Variants in PLA2G5 observed in about 807,000 individuals in gnomAD.
PLA2G5 encodes the protein Ca2+-dependent phospholipase A2.
Under a neutral mutation model 15.9 loss-of-function variants are expected in PLA2G5, and 12 were observed. That is an observed-to-expected ratio of 0.76 (90% CI 0.48 to 1.23). The LOEUF (loss-of-function observed/expected upper bound fraction) is 1.23, where lower values mean the gene tolerates loss of function less well. PLA2G5 is among the 50% of genes most tolerant of loss of function. The pLI, the probability that PLA2G5 is intolerant of heterozygous loss-of-function variation, is 0.00. For missense variants in PLA2G5, 169 were observed against 177.1 expected, an observed-to-expected ratio of 0.95 and a Z score of 0.26; for synonymous variants, 71 against 71.4, an observed-to-expected ratio of 0.99 and a Z score of 0.03.
chr1:20,072,732 G>T (rs2015446082), intron 1 of PLA2G5, among the ~76,000 whole-genome samples: 1 of 152,120 alleles, frequency 6.6e-6, no homozygotes. Flanking sequence ...AAAGGAGGAA[G>T]CCATGAACTC....
intron 1 of PLA2G5, among the ~76,000 whole-genome samples, chr1:20,077,969 G>A (rs1240606012): frequency 6.6e-6 from 1 of 152,214 alleles, no homozygotes; most frequent in Non-Finnish European, 1.5e-5. Flanking sequence ...ACTCGAATGA[G>A]CTCATCCAGA....
At chr1:20,053,570 C>CG (rs60259205) in intron 1 of PLA2G5, among the ~76,000 whole-genome samples, 8,750 of 97,532 alleles carry the variant, frequency 0.09, 595 homozygotes, top group East Asian at 0.21. Flanking sequence ...TATTACTTTG[C>CG]GGGGGGGGGG....
At chr1:20,071,501 C>T (rs1188104205) in intron 1 of PLA2G5, among the ~76,000 whole-genome samples, 1 of 152,154 alleles carries the variant, frequency 6.6e-6, no homozygotes, top group African/African-American at 2.4e-5. Flanking sequence ...TGCTCACAGC[C>T]TGGTGGGAGA....
intron 1 of PLA2G5, among the ~76,000 whole-genome samples, chr1:20,045,934 T>C (rs2013878172): frequency 1.3e-5 from 2 of 152,204 alleles, no homozygotes; most frequent in African/African-American, 4.8e-5. Context: ...AAGTTTATTT[T>C]GCTGTACAAC....
At chr1:20,072,256 C>T (rs530910338) in intron 1 of PLA2G5, among the ~76,000 whole-genome samples, 62 of 152,294 alleles carry the variant, frequency 4.1e-4, no homozygotes, top group South Asian at 1.7e-3. Flanking sequence ...TTTACTTATT[C>T]GCTTGTCTAT....
At chr1:20,074,111 G>A (rs915637908) in intron 1 of PLA2G5, among the ~76,000 whole-genome samples, 8 of 152,140 alleles carry the variant, frequency 5.3e-5, no homozygotes, top group African/African-American at 1.4e-4. Context: ...CATTTAAGGC[G>A]AGACCTGGAG....
intron 1 of PLA2G5, among the ~76,000 whole-genome samples, chr1:20,032,184 G>A (rs911302159): frequency 6.6e-6 from 1 of 152,166 alleles, no homozygotes; most frequent in African/African-American, 2.4e-5. Context: ...CCTGAAGATT[G>A]GTGGTGATAA....
chr1:20,028,812 G>A (rs1026845438), intron 1 of PLA2G5: 5 of 152,254 alleles, frequency 3.3e-5, no homozygotes, highest in African/African-American at 9.6e-5. Flanking sequence ...GGGATGTTTA[G>A]TCTGAAACAA....
At chr1:20,043,414 C>T (rs1474207127) in intron 1 of PLA2G5, among the ~76,000 whole-genome samples, 1 of 152,054 alleles carries the variant, frequency 6.6e-6, no homozygotes, top group Non-Finnish European at 1.5e-5. Context: ...TTAAAGCCTG[C>T]TGTGGGATGG....
upstream of PLA2G5, chr1:20,066,219 T>C (rs898462223): frequency 1.3e-5 from 2 of 152,276 alleles, no homozygotes; most frequent in African/African-American, 4.8e-5. Context: ...GTATGTCTTC[T>C]TTGGTGAAGT....
chr1:20,078,213 TG>T (rs1295317710), intron 1 of PLA2G5, among the ~76,000 whole-genome samples: 2 of 151,964 alleles, frequency 1.3e-5, no homozygotes, highest in African/African-American at 2.4e-5. Flanking sequence ...TGCCAGGCTT[TG>T]GGGGTCCCTG....
rs530120048 is a variant in PLA2G5, at chr1:20,091,868, G to T, written c.*1176G>T. Among the ~76,000 whole-genome samples, 1 of 152,100 alleles carries T rather than the reference G, an allele frequency of 6.6e-6. No individual in the cohort carries two copies. The highest frequency in any genetic ancestry group is 1.5e-5 in the Non-Finnish European group (1 of 68,026). ...TCTATATTTAAAAAGCTCTAGTGTC[G>T]AATGTTTTCAAAATAAAATTTAATT... On this transcript the variant is annotated 3_prime_UTR_variant, in exon 5 of 5. Transcript: ENST00000375108.
chr1:20,064,861 T>C (rs1359029859), intron 2 of PLA2G5, among the ~76,000 whole-genome samples: 1 of 152,112 alleles, frequency 6.6e-6, no homozygotes, highest in East Asian at 1.9e-4. Flanking sequence ...ACCAGGGAGC[T>C]TGTTAAAAAT....
At chr1:20,081,433 CAGA>C (rs1183598453) in intron 1 of PLA2G5, among the ~76,000 whole-genome samples, 3 of 151,868 alleles carry the variant, frequency 2.0e-5, no homozygotes, top group Admixed American at 6.6e-5. Context: ...TTACAGCTCC[CAGA>C]AGAAGGCGTG....
At position 20,086,035 on chromosome 1, in the gene PLA2G5, A is replaced by G. The variant is rs1184365950; in HGVS notation, c.41-48A>G. The G allele has an allele frequency of 1.9e-6, 3 of 1,607,330 alleles. No individual in the cohort carries two copies. In the African/African-American group the frequency reaches 4.0e-5, roughly 21 times the overall value. On this transcript the variant is annotated intron_variant, in intron 2 of 4. Coordinates refer to ENST00000375108, the MANE Select transcript of PLA2G5 (RefSeq NM_000929.3). ...AGATGTTGGGCAGTGGGCCTAAAGCAGGGCTGGGCTGCCTGGGTGTCACCT... is the reference window on the plus strand; with the variant it reads ...AGATGTTGGGCAGTGGGCCTAAAGCGGGGCTGGGCTGCCTGGGTGTCACCT...
At chr1:20,089,740 T>G in intron 3 of PLA2G5, 49 bp from the exon 4 acceptor site, 1 of 1,462,750 alleles carries the variant, frequency 6.8e-7, no homozygotes, top group Non-Finnish European at 9.6e-7. Context: ...AGGGATGGGG[T>G]CAGGAGGGCA....
At chr1:20,079,286 T>A (rs1289449892) in intron 1 of PLA2G5, among the ~76,000 whole-genome samples, 1 of 152,160 alleles carries the variant, frequency 6.6e-6, no homozygotes, top group African/African-American at 2.4e-5. Context: ...TTACTCTGCC[T>A]TTGCTATGGC....
chr1:20,059,146 C>T (rs892150241), intron 1 of PLA2G5, among the ~76,000 whole-genome samples: 2 of 138,876 alleles, frequency 1.4e-5, no homozygotes, highest in Admixed American at 7.2e-5. Flanking sequence ...AAAAAGGGCT[C>T]ACATGACCGA....
intron 1 of PLA2G5, among the ~76,000 whole-genome samples, chr1:20,043,533 G>T (rs2013729606): frequency 6.6e-6 from 1 of 152,122 alleles, no homozygotes; most frequent in South Asian, 2.1e-4. Context: ...TGTGGGTTAA[G>T]GTAGTGGGAT....
Sources: allele counts gnomAD v4.1 joint callset (sites outside exome capture counted in the v4.1 genomes callset), GRCh38; gene constraint gnomAD v4.1.1; transcripts MANE v1.5; gene names NCBI Gene and HGNC (gene_info 2026-07-23, HGNC 2026-07-21).